The following MYO18B variants were observed in gnomAD, a reference collection of about 807,000 sequenced individuals.
The protein encoded by MYO18B is myosin XVIIIB, also known as unconventional myosin-XVIIIb.
MYO18B carries 204 observed loss-of-function variants against 273.0 expected under a neutral mutation model. That is an observed-to-expected ratio of 0.75 (90% CI 0.67 to 0.84). The LOEUF is 0.84. Ranked by LOEUF, MYO18B falls within the 40% of genes least tolerant of loss-of-function variation. MYO18B has a pLI of 0.00. For missense variants in MYO18B, 3,212 were observed against 3,287.6 expected (o/e 0.98, Z 0.56); for synonymous variants, 1,330 against 1,305.7 (o/e 1.02, Z -0.40).
intron 21 of MYO18B, among the ~76,000 whole-genome samples, chr22:25,865,856 G>A (rs1299503286): frequency 6.7e-6 from 1 of 149,602 alleles, no homozygotes; most frequent in Non-Finnish European, 1.5e-5. Context: ...ATTTTTTATT[G>A]TTTTTTTTTC....
At chr22:25,879,621 A>G (rs906368743) in intron 25 of MYO18B, among the ~76,000 whole-genome samples, 14 of 152,190 alleles carry the variant, frequency 9.2e-5, no homozygotes, top group African/African-American at 3.4e-4. Context: ...TGAATCAGAC[A>G]GTTCCCACTC....
chr22:26,037,603 C>T, the MYO18B span, among the ~76,000 whole-genome samples: 2 of 152,218 alleles, frequency 1.3e-5, no homozygotes, highest in Non-Finnish European at 2.9e-5. Flanking sequence ...GGGCCTAACA[C>T]AGCACTGAGC....
At chr22:25,923,027 G>A (rs920713203) in intron 34 of MYO18B, among the ~76,000 whole-genome samples, 24 of 152,314 alleles carry the variant, frequency 1.6e-4, no homozygotes, top group African/African-American at 5.1e-4. Context: ...CCTCTGGTCT[G>A]GGACAGTTTC....
At chr22:26,046,930 G>A in the MYO18B span, among the ~76,000 whole-genome samples, 1 of 152,114 alleles carries the variant, frequency 6.6e-6, no homozygotes, top group Non-Finnish European at 1.5e-5. Flanking sequence ...CAGAGATCCA[G>A]TGGGGCCATC....
chr22:25,939,168 CCTCCTT>C (rs1412922875), intron 34 of MYO18B, among the ~76,000 whole-genome samples: 3 of 152,188 alleles, frequency 2.0e-5, no homozygotes, highest in Admixed American at 6.5e-5. Context: ...GTATGCATTA[CCTCCTT>C]TAATTCACTC....
chr22:25,914,048 A>G (rs1187518026), intron 33 of MYO18B, among the ~76,000 whole-genome samples: 1 of 152,176 alleles, frequency 6.6e-6, no homozygotes, highest in Non-Finnish European at 1.5e-5. Context: ...ATCTTCCTCA[A>G]TATGGATAAA....
chr22:25,984,442 A>C (rs1304520575), intron 39 of MYO18B, among the ~76,000 whole-genome samples: 1 of 152,148 alleles, frequency 6.6e-6, no homozygotes, highest in Non-Finnish European at 1.5e-5. Context: ...AACTAATATA[A>C]ATATCTTCTT....
At chr22:25,874,256 G>A (rs2091129866) in intron 22 of MYO18B, 30 bp from the exon 23 acceptor site, 1 of 1,613,092 alleles carries the variant, frequency 6.2e-7, no homozygotes, top group South Asian at 1.1e-5. Context: ...CTTCAGCAGA[G>A]GACTCACCTG....
intron 39 of MYO18B, among the ~76,000 whole-genome samples, chr22:25,988,119 T>C (rs1447431045): frequency 6.6e-6 from 1 of 151,782 alleles, no homozygotes; most frequent in Non-Finnish European, 1.5e-5. Flanking sequence ...ACTTCCTGTT[T>C]CATGAGAGGG....
At chr22:25,789,060 TC>T in intron 11 of MYO18B, among the ~76,000 whole-genome samples, 1 of 18,306 alleles carries the variant, frequency 5.5e-5, no homozygotes, top group African/African-American at 8.4e-5. Context: ...TTCTTCTCTT[TC>T]TCCTCCTCCT....
chr22:25,933,935 A>T (rs1212268679), intron 34 of MYO18B, among the ~76,000 whole-genome samples: 1 of 152,216 alleles, frequency 6.6e-6, no homozygotes, highest in Non-Finnish European at 1.5e-5. Context: ...GTACCTGTAG[A>T]CATTTACATT....
intron 7 of MYO18B, among the ~76,000 whole-genome samples, chr22:25,772,856 A>G (rs1412829359): frequency 1.3e-5 from 2 of 152,224 alleles, no homozygotes; most frequent in Admixed American, 6.5e-5. Context: ...AAACACAGGT[A>G]CTGTGATTAG....
At chr22:25,964,683 C>A (rs1260829598) in intron 39 of MYO18B, 1 of 152,154 alleles carries the variant, frequency 6.6e-6, no homozygotes, top group African/African-American at 2.4e-5. Flanking sequence ...CCAGACATTA[C>A]CAAATGTCCC....
the MYO18B span, among the ~76,000 whole-genome samples, chr22:26,048,159 C>T: frequency 1.3e-5 from 2 of 152,114 alleles, no homozygotes; most frequent in South Asian, 2.1e-4. Flanking sequence ...TATTGGTCTG[C>T]GCGTTTTTTT....
At chr22:26,031,275 C>A (rs1183429708), downstream of MYO18B, among the ~76,000 whole-genome samples, 1 of 152,140 alleles carries the variant, frequency 6.6e-6, no homozygotes, top group Non-Finnish European at 1.5e-5. Context: ...ATAGCTCCCA[C>A]CCGTGGGAGG....
chr22:25,902,754 C>T lies in MYO18B; in HGVS notation c.4947+18C>T, dbSNP rs1569171683. 6.4e-7 allele frequency: 1 copy of T among 1,568,306 alleles called. No homozygotes were observed. On this transcript the variant is annotated intron_variant, in intron 30 of 43. Coordinates refer to ENST00000335473, the MANE Select transcript of MYO18B (RefSeq NM_032608.7). ...AGCTGAAGGTAAGGGATGGGGGACA[C>T]AGAGCTATCTTGGCTCTTGGTGGCT... is the stretch of plus-strand genomic sequence containing the variant.
intron 32 of MYO18B, among the ~76,000 whole-genome samples, chr22:25,909,461 C>T (rs1259343347): frequency 2.6e-5 from 4 of 152,172 alleles, no homozygotes; most frequent in Non-Finnish European, 5.9e-5. Context: ...ATTTCTGAAA[C>T]GAACTTGCTT....
intron 39 of MYO18B, among the ~76,000 whole-genome samples, chr22:25,963,160 C>CCCCT (rs1555968885): frequency 1.5e-5 from 2 of 132,852 alleles, no homozygotes; most frequent in Admixed American, 7.7e-5. Flanking sequence ...TCCTCTTTCT[C>CCCCT]CTCTCTCTCT....
At chr22:26,049,402 A>G in the MYO18B span, among the ~76,000 whole-genome samples, 1 of 152,254 alleles carries the variant, frequency 6.6e-6, no homozygotes, top group Non-Finnish European at 1.5e-5. Context: ...GGAAGAGGAT[A>G]TACTTTTTGT....
Sources: allele counts gnomAD v4.1 joint callset (sites outside exome capture counted in the v4.1 genomes callset), GRCh38; gene constraint gnomAD v4.1.1; transcripts MANE v1.5; gene names NCBI Gene and HGNC (gene_info 2026-07-23, HGNC 2026-07-21).